CABCOCO1: variants seen among roughly 807,000 people sequenced by gnomAD.
CABCOCO1 encodes ciliary associated calcium binding coiled-coil 1, also known as ciliary-associated calcium-binding coiled-coil protein 1.
A neutral mutation model predicts 35.7 loss-of-function variants in CABCOCO1; 28 were observed. That is an observed-to-expected ratio of 0.78 (90% CI 0.58 to 1.07). CABCOCO1 has a LOEUF of 1.07. Among genes scored for constraint, CABCOCO1 ranks in the 50% least tolerant of loss-of-function variants. CABCOCO1 has a pLI of 0.00. For missense variants in CABCOCO1, 326 were observed against 309.2 expected, an observed-to-expected ratio of 1.05 and a Z score of -0.41; for synonymous variants, 95 against 100.1, an observed-to-expected ratio of 0.95 and a Z score of 0.30.
At chr10:61,665,085 T>C (rs562203272) in intron 1 of CABCOCO1, among the ~76,000 whole-genome samples, 4 of 152,326 alleles carry the variant, frequency 2.6e-5, no homozygotes, top group Non-Finnish European at 4.4e-5. Context: ...AAATAAATCA[T>C]AAGCTTTCAG....
intron 5 of CABCOCO1, among the ~76,000 whole-genome samples, chr10:61,714,083 T>C (rs1840799697): frequency 6.6e-6 from 1 of 152,250 alleles, no homozygotes; most frequent in African/African-American, 2.4e-5. Context: ...TCAGAAGGAA[T>C]GGTACCAGCT....
intron 5 of CABCOCO1, among the ~76,000 whole-genome samples, chr10:61,716,370 G>T (rs1840866169): frequency 6.6e-6 from 1 of 152,068 alleles, no homozygotes; most frequent in African/African-American, 2.4e-5. Flanking sequence ...TTGTTGCATT[G>T]GTTAAAGCAG....
intron 5 of CABCOCO1, among the ~76,000 whole-genome samples, chr10:61,704,710 T>C (rs1475632460): frequency 2.0e-5 from 3 of 152,152 alleles, no homozygotes. Flanking sequence ...ATTTGTTACA[T>C]AGCAATAGAT....
intron 5 of CABCOCO1, among the ~76,000 whole-genome samples, chr10:61,743,993 A>T (rs1443168426): frequency 6.6e-6 from 1 of 152,154 alleles, no homozygotes; most frequent in African/African-American, 2.4e-5. Context: ...CACACAATAG[A>T]CTGAGACCTC....
intron 5 of CABCOCO1, 75 bp from the exon 6 acceptor site, chr10:61,759,984 A>C: frequency 6.4e-7 from 1 of 1,555,352 alleles, no homozygotes; most frequent in Non-Finnish European, 8.8e-7. Context: ...TATGGTACAT[A>C]TATAACGGAA....
At chr10:61,742,714 G>T (rs1841575553) in intron 5 of CABCOCO1, among the ~76,000 whole-genome samples, 1 of 152,160 alleles carries the variant, frequency 6.6e-6, no homozygotes, top group African/African-American at 2.4e-5. Context: ...CTCAATAAAT[G>T]GTAGGATGTA....
intron 5 of CABCOCO1, among the ~76,000 whole-genome samples, chr10:61,731,326 T>G (rs1841296969): frequency 6.6e-6 from 1 of 152,042 alleles, no homozygotes; most frequent in Non-Finnish European, 1.5e-5. Context: ...AATGGTCATC[T>G]GAGCTATCAG....
At chr10:61,671,684 A>G (rs974644431) in intron 1 of CABCOCO1, among the ~76,000 whole-genome samples, 4 of 152,010 alleles carry the variant, frequency 2.6e-5, no homozygotes, top group Non-Finnish European at 5.9e-5. Context: ...GAGCAGCCCA[A>G]CGCTTCATCC....
intron 5 of CABCOCO1, among the ~76,000 whole-genome samples, chr10:61,734,908 A>T (rs976165592): frequency 8.5e-5 from 13 of 152,106 alleles, no homozygotes; most frequent in Non-Finnish European, 1.9e-4. Context: ...AATTTGTGAG[A>T]CCAGATTAGA....
chr10:61,684,160 G>A (rs189740741), intron 3 of CABCOCO1, among the ~76,000 whole-genome samples: 2 of 152,196 alleles, frequency 1.3e-5, no homozygotes, highest in African/African-American at 4.8e-5. Flanking sequence ...GAATGATATA[G>A]GAAAACCTAG....
At chr10:61,669,020 G>GAAAAAAAAAAAAACAAA (rs1554820464) in intron 1 of CABCOCO1, among the ~76,000 whole-genome samples, 1 of 102,480 alleles carries the variant, frequency 9.8e-6, no homozygotes, top group Non-Finnish European at 2.1e-5. Flanking sequence ...AAGGGTTGGG[G>GAAAAAAAAAAAAACAAA]AAAAAAAAAA....
Position 61,766,399 on chromosome 10 carries a change from T to C in CABCOCO1, c.*386T>C, listed in dbSNP as rs1199163056. 1.3e-5 allele frequency: 2 copies of C among 157,224 alleles called. No homozygotes were observed. The highest frequency in any genetic ancestry group is 4.8e-5 in the African/African-American group (2 of 41,480). 9.7% of individuals were successfully genotyped at this position (157,224 alleles called of 1,614,324 possible). A position where few individuals can be genotyped will look rare whatever the true frequency, so the allele number is the denominator to read the frequency against. ...AAGATGATAATAACTTCATCCATTT[T>C]GACCCAAACGGACTGCCACGTTACT... On this transcript the variant is annotated 3_prime_UTR_variant, in exon 8 of 8. Transcript: ENST00000648843.
intron 2 of CABCOCO1, among the ~76,000 whole-genome samples, chr10:61,680,398 T>TA (rs1839682773): frequency 4.5e-5 from 6 of 133,212 alleles, no homozygotes; most frequent in Admixed American, 8.5e-5. Context: ...ATATATATTT[T>TA]TATATATAAC....
chr10:61,709,953 G>T lies in CABCOCO1; in HGVS notation c.552+19332G>T, dbSNP rs1486683424. 3.3e-5 allele frequency among the ~76,000 whole-genome samples: 5 copies of T among 151,924 alleles called. No homozygotes were observed. In the East Asian group the frequency reaches 9.6e-4, roughly 29 times the overall value. On this transcript the variant is annotated intron_variant, in intron 5 of 7. Transcript: ENST00000648843. ...TATAAAATGAATTAAGAGGGAGAAC[G>T]ACTTGAATTAAAGCATGAGTGACTT...
intron 1 of CABCOCO1, among the ~76,000 whole-genome samples, chr10:61,666,278 C>A (rs550974461): frequency 5.3e-5 from 8 of 152,298 alleles, no homozygotes; most frequent in Admixed American, 3.3e-4. Context: ...CAGTTTCCTG[C>A]AACATCAGTG....
intron 5 of CABCOCO1, among the ~76,000 whole-genome samples, chr10:61,723,362 A>T (rs1426159191): frequency 1.3e-5 from 2 of 152,246 alleles, no homozygotes; most frequent in African/African-American, 2.4e-5. Flanking sequence ...ACATTCCCCA[A>T]ATCAAAAGCA....
chr10:61,698,236 C>T (rs1840346528), intron 5 of CABCOCO1, among the ~76,000 whole-genome samples: 1 of 152,098 alleles, frequency 6.6e-6, no homozygotes, highest in Admixed American at 6.6e-5. Context: ...ATAGGTATAG[C>T]TTTATTTGTA....
intron 7 of CABCOCO1, among the ~76,000 whole-genome samples, chr10:61,764,189 G>C (rs1842062980): frequency 6.6e-6 from 1 of 152,060 alleles, no homozygotes; most frequent in Admixed American, 6.6e-5. Context: ...TGAGATTACT[G>C]GTGGGCATAG....
intron 5 of CABCOCO1, among the ~76,000 whole-genome samples, chr10:61,731,767 G>A (rs1019326737): frequency 1.9e-3 from 223 of 117,870 alleles, no homozygotes; most frequent in Middle Eastern, 0.012. Context: ...ACAGAGGGAG[G>A]AAGGGAAGGA....
Sources: allele counts gnomAD v4.1 joint callset (sites outside exome capture counted in the v4.1 genomes callset), GRCh38; gene constraint gnomAD v4.1.1; transcripts MANE v1.5; gene names NCBI Gene and HGNC (gene_info 2026-07-23, HGNC 2026-07-21).